The following EXT1 variants were observed in gnomAD, a reference collection of about 807,000 sequenced individuals.
The protein encoded by EXT1 is exostosin-1.
Under a neutral mutation model 82.5 loss-of-function variants are expected in EXT1, and 20 were observed. That is an observed-to-expected ratio of 0.24 (90% CI 0.17 to 0.35). The LOEUF (loss-of-function observed/expected upper bound fraction) is 0.35, where lower values mean the gene tolerates loss of function less well. EXT1 is among the 10% of genes least tolerant of loss of function. The pLI is 1.00. For synonymous variants in EXT1, 348 were observed against 350.8 expected, an observed-to-expected ratio of 0.99 and a Z score of 0.09; for missense variants, 757 against 936.5, an observed-to-expected ratio of 0.81 and a Z score of 2.50.
intron 1 of EXT1, among the ~76,000 whole-genome samples, chr8:118,001,949 C>T (rs570188942): frequency 6.6e-6 from 1 of 152,304 alleles, no homozygotes; most frequent in East Asian, 1.9e-4. Context: ...TCACAGCTAT[C>T]TTAATGTCTA....
At chr8:118,076,885 G>A (rs984525567) in intron 1 of EXT1, among the ~76,000 whole-genome samples, 2 of 151,450 alleles carry the variant, frequency 1.3e-5, no homozygotes, top group Admixed American at 6.6e-5. Flanking sequence ...TAAAAATAGA[G>A]TAATAATAAA....
chr8:118,106,632 C>G (rs576958374), intron 1 of EXT1, among the ~76,000 whole-genome samples: 1 of 152,348 alleles, frequency 6.6e-6, no homozygotes, highest in South Asian at 2.1e-4. Flanking sequence ...ATAGAAGCCA[C>G]CTCTCCTTTC....
Position 117,809,458 on chromosome 8 carries a change from G to GA in EXT1, c.1723-2082dup, listed in dbSNP as rs576705537. On this transcript the variant is annotated intron_variant, in intron 8 of 10. Transcript: ENST00000378204. ...TTGAGACCAGCTTGGCCAACACGGT[G>GA]AAACCCTGTCTCTACTAAAAATATA... 2.2e-4 allele frequency among the ~76,000 whole-genome samples: 34 copies of GA among 151,514 alleles called. No individual in the cohort carries two copies. The South Asian group carries it at 4.4e-3, about 20-fold the overall frequency.
In EXT1 at chr8:117,986,221, G is replaced by A. The variant is rs565639827; in HGVS notation, c.962+123864C>T. Among the ~76,000 whole-genome samples, 8 of 143,580 alleles carry A rather than the reference G, an allele frequency of 5.6e-5. No individual in the cohort carries two copies. The East Asian group carries it at 8.0e-4, about 14-fold the overall frequency. 94.2% of individuals were successfully genotyped at this position (143,580 alleles called of 152,430 possible). ...TTTTTTTTTTTTGAGACGAAGTCTC[G>A]CTCTGTCGCCCAGGCTGGAGTGCAG... On this transcript the variant is annotated intron_variant, in intron 1 of 10. Transcript: ENST00000378204.
chr8:117,802,568 G>A (rs1284563953), intron 10 of EXT1, among the ~76,000 whole-genome samples: 1 of 152,206 alleles, frequency 6.6e-6, no homozygotes, highest in Non-Finnish European at 1.5e-5. Flanking sequence ...ATAGGCTATA[G>A]TAGGCTGTAC....
At chr8:117,947,844 C>T (rs1246198816) in intron 1 of EXT1, among the ~76,000 whole-genome samples, 1 of 152,146 alleles carries the variant, frequency 6.6e-6, no homozygotes, top group Admixed American at 6.5e-5. Flanking sequence ...GAGTAATTAG[C>T]CTCAAGTAAT....
intron 1 of EXT1, among the ~76,000 whole-genome samples, chr8:117,862,522 C>T (rs926242757): frequency 1.4e-5 from 2 of 145,834 alleles, no homozygotes; most frequent in African/African-American, 4.9e-5. Flanking sequence ...TCTATAAAAG[C>T]ACCTCCTTCA....
At chr8:118,050,506 G>T (rs1030207761) in intron 1 of EXT1, among the ~76,000 whole-genome samples, 1 of 152,074 alleles carries the variant, frequency 6.6e-6, no homozygotes, top group African/African-American at 2.4e-5. Flanking sequence ...AGCAGGGGTC[G>T]GCAAACTTTT....
chr8:118,091,622 G>A (rs908051670), intron 1 of EXT1, among the ~76,000 whole-genome samples: 1 of 152,064 alleles, frequency 6.6e-6, no homozygotes, highest in Non-Finnish European at 1.5e-5. Flanking sequence ...GCGGGCACCT[G>A]TAGTCCCAGC....
chr8:118,055,846 A>G (rs1816786092), intron 1 of EXT1, among the ~76,000 whole-genome samples: 1 of 152,198 alleles, frequency 6.6e-6, no homozygotes, highest in Non-Finnish European at 1.5e-5. Flanking sequence ...ATGAAAAATG[A>G]TTAACCCTCA....
chr8:118,073,575 A>T (rs568827360), intron 1 of EXT1, among the ~76,000 whole-genome samples: 154 of 152,212 alleles, frequency 1.0e-3, no homozygotes, highest in African/African-American at 3.3e-3. Flanking sequence ...AGCTGAGATC[A>T]TGCCACTGCA....
intron 1 of EXT1, among the ~76,000 whole-genome samples, chr8:117,947,048 G>C (rs1309147939): frequency 6.6e-6 from 1 of 152,140 alleles, no homozygotes; most frequent in Non-Finnish European, 1.5e-5. Context: ...AGAGAGATCT[G>C]TTCTGTCTTG....
intron 1 of EXT1, among the ~76,000 whole-genome samples, chr8:118,049,105 T>C (rs535394092): frequency 3.1e-4 from 47 of 152,182 alleles, no homozygotes; most frequent in Non-Finnish European, 6.2e-4. Context: ...CATAAAAATA[T>C]TTTTAAAAGA....
At chr8:117,834,863 T>C (rs898708595) in intron 3 of EXT1, among the ~76,000 whole-genome samples, 1 of 151,812 alleles carries the variant, frequency 6.6e-6, no homozygotes, top group Admixed American at 6.6e-5. Flanking sequence ...TAAAAAAAAA[T>C]AATACATGAT....
chr8:118,002,229 G>C (rs1028734580), intron 1 of EXT1, among the ~76,000 whole-genome samples: 1 of 151,690 alleles, frequency 6.6e-6, no homozygotes, highest in Admixed American at 6.6e-5. Flanking sequence ...TAATATATTA[G>C]TTGTTATCTT....
chr8:117,980,712 T>G lies in EXT1; in HGVS notation c.962+129373A>C, dbSNP rs79662463. Reference sequence around the variant, plus strand: ...GGGTGTTGGTGGTTTTTTTTTTTTTTTTTTTTTTTTTTTTTTTTTCCAGTG... The same window carrying G: ...GGGTGTTGGTGGTTTTTTTTTTTTTGTTTTTTTTTTTTTTTTTTTCCAGTG... On this transcript the variant is annotated intron_variant, in intron 1 of 10. Transcript: ENST00000378204. Among the ~76,000 whole-genome samples the G allele has an allele frequency of 2.2e-3, 93 of 42,610 alleles. 4 individuals carry two copies. Among genetic ancestry groups the G allele is most frequent in the South Asian group, 9.2e-3 (15 of 1,626 alleles). The allele number at this position is 42,610 out of a possible 152,430, so 28.0% of individuals were successfully genotyped here.
At chr8:117,826,060 C>T (rs1812003589) in intron 4 of EXT1, among the ~76,000 whole-genome samples, 1 of 152,128 alleles carries the variant, frequency 6.6e-6, no homozygotes, top group East Asian at 1.9e-4. Flanking sequence ...TTTTCATTGT[C>T]CTCATTGTTA....
chr8:118,095,495 A>G (rs909853272), intron 1 of EXT1, among the ~76,000 whole-genome samples: 5 of 152,266 alleles, frequency 3.3e-5, no homozygotes, highest in Middle Eastern at 3.2e-3. Context: ...TGCAGTTATC[A>G]TAAAAAGTGT....
In EXT1 at chr8:117,797,607, A is replaced by T. The variant is rs1003224268; in HGVS notation, c.*2105T>A. On this transcript the variant is annotated 3_prime_UTR_variant, in exon 11 of 11. Transcript: ENST00000378204. ...GAATAATTTGCCAATCCTGAAAAAA[A>T]TAATTTAAATACAAATTCACAAAGG... 1.3e-5 allele frequency: 2 copies of T among 152,266 alleles called. No individual in the cohort carries two copies. Among genetic ancestry groups the T allele is most frequent in the Non-Finnish European group, 2.9e-5 (2 of 68,054 alleles). 9.4% of individuals were successfully genotyped at this position (152,266 alleles called of 1,614,324 possible).
Sources: gnomAD v4.1 joint callset for allele counts (sites outside exome capture counted in the v4.1 genomes callset) on GRCh38, gnomAD v4.1.1 for gene constraint, MANE v1.5 for transcripts, NCBI Gene and HGNC (gene_info 2026-07-23, HGNC 2026-07-21) for gene names.